Variants in PTPRD observed in about 807,000 individuals in gnomAD.
PTPRD encodes the protein protein tyrosine phosphatase receptor type D, also known as receptor-type tyrosine-protein phosphatase delta.
A neutral mutation model predicts 214.5 loss-of-function variants in PTPRD; 34 were observed. The ratio of observed to expected loss-of-function variants is 0.16; its 90% CI spans 0.12 to 0.21. The LOEUF (loss-of-function observed/expected upper bound fraction) is 0.21. Ranked by LOEUF, PTPRD falls within the 10% of genes least tolerant of loss-of-function variation. The pLI, the probability that PTPRD is intolerant of heterozygous loss-of-function variation, is 1.00. For missense variants in PTPRD, 2,545 were observed against 2,398.7 expected, an observed-to-expected ratio of 1.06 and a Z score of -1.27; for synonymous variants, 1,128 against 845.7, an observed-to-expected ratio of 1.33 and a Z score of -5.79.
At chr9:8,443,047 A>C (rs2133020155) in intron 34 of PTPRD, among the ~76,000 whole-genome samples, 1 of 152,304 alleles carries the variant, frequency 6.6e-6, no homozygotes, top group African/African-American at 2.4e-5. Flanking sequence ...TGGGAGGTTG[A>C]GGTGGGTGGA....
intron 14 of PTPRD, among the ~76,000 whole-genome samples, chr9:8,575,780 C>T (rs1239834530): frequency 6.6e-6 from 1 of 152,150 alleles, no homozygotes; most frequent in East Asian, 1.9e-4. Context: ...AATTGTGCAA[C>T]AAATGTAGTG....
At chr9:9,355,723 G>T (rs1287289065) in intron 9 of PTPRD, among the ~76,000 whole-genome samples, 1 of 151,504 alleles carries the variant, frequency 6.6e-6, no homozygotes, top group African/African-American at 2.4e-5. Context: ...GTGTTTGAAA[G>T]CCATGGGATT....
At chr9:8,854,123 TAA>T (rs142662061) in intron 11 of PTPRD, among the ~76,000 whole-genome samples, 8,850 of 152,202 alleles carry the variant, frequency 0.058, 377 homozygotes, top group Non-Finnish European at 0.085. Context: ...ACATAAAACG[TAA>T]AGTTTATTTT....
intron 2 of PTPRD, among the ~76,000 whole-genome samples, chr9:10,587,968 T>C (rs1298513930): frequency 1.3e-5 from 2 of 152,042 alleles, no homozygotes. Flanking sequence ...TAGATGAAAA[T>C]ACAGCTCATA....
Position 8,777,510 on chromosome 9 carries a change from G to A in PTPRD, c.-103-43564C>T, listed in dbSNP as rs376957123. Among the ~76,000 whole-genome samples, 171 of 152,248 alleles carry A rather than the reference G, an allele frequency of 1.1e-3. 1 individual carries two copies. Among genetic ancestry groups the A allele is most frequent in the African/African-American group, 4.0e-3 (165 of 41,562 alleles). ...TTGTGGATTATGTTTTCTGTCAAAA[G>A]AAATTTCATAATCTAGGAAAAAGTT... On this transcript the variant is annotated intron_variant, in intron 11 of 45. Coordinates refer to ENST00000381196, the MANE Select transcript of PTPRD (RefSeq NM_002839.4).
intron 14 of PTPRD, among the ~76,000 whole-genome samples, chr9:8,566,196 A>T (rs1009960392): frequency 6.7e-6 from 1 of 149,010 alleles, no homozygotes; most frequent in Non-Finnish European, 1.5e-5. Context: ...GTAGTTTTTT[A>T]AGCTACTGTT....
intron 7 of PTPRD, among the ~76,000 whole-genome samples, chr9:9,601,428 G>C (rs959323898): frequency 1.3e-5 from 2 of 151,762 alleles, no homozygotes; most frequent in African/African-American, 4.8e-5. Flanking sequence ...AGGAATTGAT[G>C]GTTATTGTTT....
chr9:9,919,505 G>C (rs936218446), intron 5 of PTPRD, among the ~76,000 whole-genome samples: 1 of 152,070 alleles, frequency 6.6e-6, no homozygotes, highest in South Asian at 2.1e-4. Context: ...GCCGCATTCG[G>C]ATAATTATTC....
intron 8 of PTPRD, among the ~76,000 whole-genome samples, chr9:9,465,317 C>G (rs540752800): frequency 3.9e-5 from 6 of 152,138 alleles, no homozygotes; most frequent in African/African-American, 1.4e-4. Context: ...ATAACAAATA[C>G]TTTATCCTTA....
At chr9:10,261,828 A>G (rs2093718376) in intron 3 of PTPRD, among the ~76,000 whole-genome samples, 2 of 152,288 alleles carry the variant, frequency 1.3e-5, no homozygotes, top group South Asian at 4.1e-4. Flanking sequence ...AATTTTTTCT[A>G]TACCAGGTAT....
intron 9 of PTPRD, among the ~76,000 whole-genome samples, chr9:9,288,068 A>G (rs746800444): frequency 1.3e-5 from 2 of 151,608 alleles, no homozygotes; most frequent in African/African-American, 2.4e-5. Flanking sequence ...TTTATCTACC[A>G]CTCTTGGCTT....
At chr9:8,531,145 G>A (rs1417108902) in intron 14 of PTPRD, among the ~76,000 whole-genome samples, 3 of 152,082 alleles carry the variant, frequency 2.0e-5, no homozygotes, top group South Asian at 2.1e-4. Context: ...TTTACACATC[G>A]TCAGCCAAGC....
chr9:8,488,657 C>T (rs1453003778), intron 27 of PTPRD, among the ~76,000 whole-genome samples: 1 of 152,322 alleles, frequency 6.6e-6, no homozygotes, highest in East Asian at 1.9e-4. Context: ...AATATATTTA[C>T]AATTATCTTA....
intron 11 of PTPRD, among the ~76,000 whole-genome samples, chr9:9,008,799 A>G (rs940108087): frequency 6.6e-6 from 1 of 152,168 alleles, no homozygotes; most frequent in Non-Finnish European, 1.5e-5. Flanking sequence ...CTCTGTTACT[A>G]TAACTATTTT....
chr9:8,557,431 A>AATATATATATATATATATAT (rs1281715374), intron 14 of PTPRD, among the ~76,000 whole-genome samples: 1 of 111,752 alleles, frequency 8.9e-6, no homozygotes, highest in African/African-American at 7.7e-5. Flanking sequence ...TTCATTTGTA[A>AATATATATATATATATATAT]ATACATATAT....
intron 8 of PTPRD, among the ~76,000 whole-genome samples, chr9:9,489,975 C>G (rs540835387): frequency 6.6e-6 from 1 of 151,964 alleles, no homozygotes; most frequent in African/African-American, 2.4e-5. Flanking sequence ...ATTTCAAAAG[C>G]CAGAAACAAA....
intron 5 of PTPRD, among the ~76,000 whole-genome samples, chr9:9,903,733 A>G (rs928758852): frequency 6.6e-6 from 1 of 152,132 alleles, no homozygotes; most frequent in Non-Finnish European, 1.5e-5. Flanking sequence ...AGGATCAGGG[A>G]TGCCAGGAAA....
chr9:8,446,835 G>A (rs896285545), intron 34 of PTPRD, among the ~76,000 whole-genome samples: 1 of 152,200 alleles, frequency 6.6e-6, no homozygotes, highest in Non-Finnish European at 1.5e-5. Context: ...TTGATTCTTC[G>A]TGAAAAAGAG....
chr9:10,214,350 C>G (rs1594419750), intron 3 of PTPRD, among the ~76,000 whole-genome samples: 1 of 151,876 alleles, frequency 6.6e-6, no homozygotes, highest in East Asian at 1.9e-4. Flanking sequence ...TGTGTTGGCT[C>G]ACTGCAACCT....
Sources: allele counts gnomAD v4.1 joint callset (sites outside exome capture counted in the v4.1 genomes callset), GRCh38; gene constraint gnomAD v4.1.1; transcripts MANE v1.5; gene names NCBI Gene and HGNC (gene_info 2026-07-23, HGNC 2026-07-21).